The following MARK1 variants were observed in gnomAD, a reference collection of about 807,000 sequenced individuals.
MARK1 encodes microtubule affinity regulating kinase 1, also known as serine/threonine-protein kinase MARK1.
In MARK1, 40 loss-of-function variants were observed where a neutral mutation model predicts 96.3. The ratio of observed to expected loss-of-function variants is 0.42; its 90% CI spans 0.32 to 0.54. The LOEUF (loss-of-function observed/expected upper bound fraction) is 0.54, where lower values mean the gene tolerates loss of function less well. MARK1 is among the 20% of genes least tolerant of loss of function. The probability of loss-of-function intolerance (pLI) is 0.16; values close to 1 mark genes in which losing one functional copy is unlikely to be tolerated. For missense variants in MARK1, 719 were observed against 984.6 expected (o/e 0.73, Z 3.61); for synonymous variants, 317 against 341.2 (o/e 0.93, Z 0.78).
chr1:220,635,306 G>C (rs1667888802), intron 11 of MARK1, 70 bp from the exon 12 acceptor site: 1 of 1,367,940 alleles, frequency 7.3e-7, no homozygotes, highest in African/African-American at 1.5e-5. Context: ...AAAATCAAGA[G>C]TGCAGTGTTT....
intron 12 of MARK1, 38 bp downstream of exon 12, chr1:220,635,567 G>A (rs910745830): frequency 6.3e-7 from 1 of 1,587,704 alleles, no homozygotes; most frequent in East Asian, 2.2e-5. Context: ...CAACACACGG[G>A]TTCTTCCCAA....
chr1:220,579,591 G>T (rs1216196838), intron 2 of MARK1, 34 bp downstream of exon 2: 1 of 1,561,090 alleles, frequency 6.4e-7, no homozygotes, highest in Admixed American at 1.7e-5. Flanking sequence ...ATATCTGCCT[G>T]GACCTCTCTG....
chr1:220,562,742 A>G (rs1410544751), intron 1 of MARK1, among the ~76,000 whole-genome samples: 1 of 152,120 alleles, frequency 6.6e-6, no homozygotes, highest in Non-Finnish European at 1.5e-5. Context: ...ATATTTGCAT[A>G]TATCTTGTGT....
At chr1:220,585,219 G>C (rs1167108147) in intron 3 of MARK1, among the ~76,000 whole-genome samples, 3 of 152,164 alleles carry the variant, frequency 2.0e-5, no homozygotes, top group Non-Finnish European at 2.9e-5. Flanking sequence ...CATGAAATTA[G>C]TGGTCAGCAA....
At chr1:220,529,311 C>G (rs189149223) in intron 1 of MARK1, among the ~76,000 whole-genome samples, 20 of 152,302 alleles carry the variant, frequency 1.3e-4, no homozygotes, top group South Asian at 1.0e-3. Flanking sequence ...TTGCACTCTC[C>G]CCTCCTCCCC....
In MARK1 at chr1:220,659,638, T is replaced by C. The variant is rs940977044; in HGVS notation, c.2033+1804T>C. Among the ~76,000 whole-genome samples the C allele has an allele frequency of 8.5e-5, 13 of 152,304 alleles. No homozygotes were observed. The East Asian group carries it at 2.1e-3, about 25-fold the overall frequency. ...TCCAGGAGCTTTCTACAATGGACAT[T>C]ATCAGTGGTAATGTCTGTGAGACCA... On this transcript the variant is annotated intron_variant, in intron 17 of 17. Coordinates refer to ENST00000366917, the MANE Select transcript of MARK1 (RefSeq NM_018650.5).
chr1:220,655,346 T>C (rs6690794), intron 16 of MARK1, among the ~76,000 whole-genome samples: 21,871 of 152,126 alleles, frequency 0.14, 5,201 homozygotes, highest in African/African-American at 0.5. Context: ...GCGCACATCT[T>C]TCTGCTGAAC....
chr1:220,543,058 C>G (rs1031299881), intron 1 of MARK1, among the ~76,000 whole-genome samples: 6 of 152,078 alleles, frequency 3.9e-5, no homozygotes, highest in Non-Finnish European at 7.4e-5. Context: ...TCATTTGTTA[C>G]AATTGTTAGA....
At chr1:220,635,579 T>C (rs10746403) in intron 12 of MARK1, 50 bp downstream of exon 12, 1,102,694 of 1,571,912 alleles carry the variant, frequency 0.7, 390,429 homozygotes, top group African/African-American at 0.91. Flanking sequence ...TCTTCCCAAA[T>C]TTGTGTTTTT....
At chr1:220,617,425 T>A (rs914633134) in intron 7 of MARK1, among the ~76,000 whole-genome samples, 2 of 152,144 alleles carry the variant, frequency 1.3e-5, no homozygotes, top group African/African-American at 4.8e-5. Context: ...AAATCTGATT[T>A]TTGTTTTAGT....
intron 9 of MARK1, among the ~76,000 whole-genome samples, chr1:220,628,741 C>T (rs1333908999): frequency 1.3e-5 from 2 of 152,086 alleles, no homozygotes. Flanking sequence ...TCCTGAGTCT[C>T]AATCCCTAGC....
rs774152274 is a variant in MARK1, at chr1:220,618,458, A to G, written c.701A>G (p.Asp234Gly). ...GAGCTTTTCCAAGGAAAGAAGTATG[A>G]TGGGCCTGAAGTGGATGTGTGGAGT... The part of the protein sequence containing the change: ...APELFQGKKY[D>G]GPEVDVWSLG... Residue 234 changes from aspartate to glycine, a missense_variant, in exon 8 of 18, where the codon GAT (aspartate) becomes GGT (glycine). Coordinates refer to ENST00000366917, the MANE Select transcript of MARK1 (RefSeq NM_018650.5). This position sits in a 1 kb window ranked among gnomAD's most constrained non-coding sequence, Gnocchi z 4.6. 1 of 1,614,048 alleles carries G rather than the reference A, an allele frequency of 6.2e-7. No homozygotes were observed. The highest frequency in any genetic ancestry group is 1.3e-5 in the African/African-American group (1 of 74,920).
At chr1:220,636,098 C>A in intron 13 of MARK1, 72 bp downstream of exon 13, 2 of 1,115,194 alleles carry the variant, frequency 1.8e-6, no homozygotes, top group East Asian at 2.9e-5. Flanking sequence ...AAATTTTTAT[C>A]TTTCATTTTT....
intron 1 of MARK1, among the ~76,000 whole-genome samples, chr1:220,549,936 G>T (rs1392912420): frequency 6.6e-6 from 1 of 152,136 alleles, no homozygotes; most frequent in Non-Finnish European, 1.5e-5. Flanking sequence ...AAGAAGCAAG[G>T]AATCAAACCA....
intron 9 of MARK1, among the ~76,000 whole-genome samples, chr1:220,623,245 T>C (rs575122349): frequency 6.6e-6 from 1 of 152,238 alleles, no homozygotes; most frequent in East Asian, 1.9e-4. Flanking sequence ...TCTGGGAAAG[T>C]TTTTCCCTCG....
chr1:220,642,097 G>T (rs191811397), intron 13 of MARK1, among the ~76,000 whole-genome samples: 3 of 152,188 alleles, frequency 2.0e-5, no homozygotes, highest in Admixed American at 1.3e-4. Flanking sequence ...GTCCACTCCC[G>T]TGGAAAGGGG....
At chr1:220,588,322 T>C (rs1488303145) in intron 3 of MARK1, among the ~76,000 whole-genome samples, 1 of 152,210 alleles carries the variant, frequency 6.6e-6, no homozygotes, top group African/African-American at 2.4e-5. Context: ...TTATAAGACT[T>C]ATAATCTTCT....
At chr1:220,575,623 C>A (rs186019260) in intron 1 of MARK1, among the ~76,000 whole-genome samples, 206 of 151,950 alleles carry the variant, frequency 1.4e-3, no homozygotes, top group African/African-American at 4.5e-3. Flanking sequence ...ATCTTATAAT[C>A]AGAATATATA....
intron 3 of MARK1, among the ~76,000 whole-genome samples, chr1:220,591,942 A>G (rs2102880776): frequency 6.6e-6 from 1 of 152,060 alleles, no homozygotes; most frequent in South Asian, 2.1e-4. Context: ...TTTTGCATTT[A>G]TCTTGCCCAC....
Sources: allele counts gnomAD v4.1 joint callset (sites outside exome capture counted in the v4.1 genomes callset), GRCh38; gene constraint gnomAD v4.1.1; non-coding constraint Gnocchi (gnomAD v3.1); transcripts MANE v1.5; gene names NCBI Gene and HGNC (gene_info 2026-07-23, HGNC 2026-07-21).